Variants in APPL2 observed in about 807,000 individuals in gnomAD.
APPL2 encodes DCC-interacting protein 13-beta.
Under a neutral mutation model 92.7 loss-of-function variants are expected in APPL2, and 84 were observed. That is an observed-to-expected ratio of 0.91 (90% CI 0.76 to 1.09). APPL2 has a LOEUF of 1.09. Ranked by LOEUF, APPL2 falls within the 50% of genes least tolerant of loss-of-function variation. The probability of loss-of-function intolerance (pLI) is 0.00; values close to 1 mark genes in which losing one functional copy is unlikely to be tolerated. For missense variants in APPL2, 736 were observed against 824.5 expected (o/e 0.89, Z 1.31); for synonymous variants, 291 against 291.0 (o/e 1.00, Z 0.00).
In APPL2 at chr12:105,199,551, G is replaced by C. The variant is rs747838905; in HGVS notation, c.705-20C>G. 6.2e-7 allele frequency: 1 copy of C among 1,609,664 alleles called. No homozygotes were observed. The highest frequency in any genetic ancestry group is 1.1e-5 in the South Asian group (1 of 90,544). ...TGAATGCTTAAGACAGAAGGTGTTGGGTCAGTTACTCACTGCTGGCCAACC... is the reference window on the plus strand; with the variant it reads ...TGAATGCTTAAGACAGAAGGTGTTGCGTCAGTTACTCACTGCTGGCCAACC... On this transcript the variant is annotated intron_variant, in intron 9 of 20. Transcript: ENST00000258530.
intron 17 of APPL2, among the ~76,000 whole-genome samples, chr12:105,179,394 C>T (rs1299113874): frequency 1.3e-5 from 2 of 152,154 alleles, no homozygotes; most frequent in African/African-American, 4.8e-5. Flanking sequence ...CATTGATGGG[C>T]ATTTGGGTTG....
intron 2 of APPL2, among the ~76,000 whole-genome samples, chr12:105,218,854 A>C (rs117421806): frequency 0.011 from 1,623 of 150,638 alleles, 16 homozygotes; most frequent in Middle Eastern, 0.027. Flanking sequence ...AAGAGCTGCG[A>C]TGCCCTGGGA....
intron 5 of APPL2, among the ~76,000 whole-genome samples, chr12:105,208,646 C>A (rs1033546276): frequency 6.6e-6 from 1 of 152,160 alleles, no homozygotes; most frequent in Admixed American, 6.5e-5. Flanking sequence ...GGAGTCATCC[C>A]TGGACAAAGG....
intron 9 of APPL2, 117 bp downstream of exon 9, chr12:105,203,586 T>A: frequency 1.2e-6 from 1 of 866,458 alleles, no homozygotes; most frequent in Non-Finnish European, 1.9e-6. Context: ...ATTTCTGGGG[T>A]GGACAGAGGC....
intron 17 of APPL2, 35 bp downstream of exon 17, chr12:105,188,238 G>A: frequency 6.2e-7 from 1 of 1,606,216 alleles, no homozygotes; most frequent in Non-Finnish European, 8.5e-7. Context: ...ATTAGCTGAA[G>A]CCATAAGAAA....
chr12:105,215,027 T>C (rs1889563638), intron 4 of APPL2, among the ~76,000 whole-genome samples: 1 of 152,190 alleles, frequency 6.6e-6, no homozygotes, highest in Non-Finnish European at 1.5e-5. Flanking sequence ...GCCCTATGTA[T>C]CACTTAATCT....
At chr12:105,202,906 T>C (rs902037705) in intron 9 of APPL2, among the ~76,000 whole-genome samples, 9 of 152,198 alleles carry the variant, frequency 5.9e-5, no homozygotes, top group Non-Finnish European at 8.8e-5. Flanking sequence ...CTTCATGAGG[T>C]GTGGTGAAAT....
chr12:105,198,090 C>T, intron 10 of APPL2, 137 bp from the exon 11 acceptor site: 1 of 799,716 alleles, frequency 1.3e-6, no homozygotes, highest in Non-Finnish European at 2.0e-6. Context: ...CAAAACTGCC[C>T]ATTCAAGTGG....
intron 16 of APPL2, among the ~76,000 whole-genome samples, chr12:105,189,222 G>GTTC (rs930660278): frequency 6.6e-6 from 1 of 152,032 alleles, no homozygotes; most frequent in Non-Finnish European, 1.5e-5. Context: ...TAGAGACAGG[G>GTTC]TTCTCACTGT....
intron 11 of APPL2, 78 bp from the exon 12 acceptor site, chr12:105,195,705 A>C (rs1887581124): frequency 1.2e-5 from 18 of 1,534,292 alleles, no homozygotes; most frequent in Middle Eastern, 4.0e-4. Context: ...AACTGAACTT[A>C]GCTGGGGTGT....
intron 5 of APPL2, among the ~76,000 whole-genome samples, chr12:105,209,954 A>G (rs1889072151): frequency 6.6e-6 from 1 of 151,882 alleles, no homozygotes; most frequent in East Asian, 1.9e-4. Context: ...GCAAGGGAGG[A>G]AAATCTTCAC....
At chr12:105,217,774 A>G in intron 2 of APPL2, 49 bp from the exon 3 acceptor site, 5 of 1,567,294 alleles carry the variant, frequency 3.2e-6, no homozygotes, top group Non-Finnish European at 4.4e-6. Flanking sequence ...ATGTATACAT[A>G]GTCACTGAAA....
At position 105,190,190 on chromosome 12, in the gene APPL2, C is replaced by T. The variant is rs576659482; in HGVS notation, c.1242-35G>A. ...AAAAAAATCAATTCCCTTAACCTTA[C>T]GCTTTTATAATCAAGTGAATACTTG... is the stretch of plus-strand genomic sequence containing the variant. On this transcript the variant is annotated intron_variant, in intron 14 of 20. Coordinates refer to ENST00000258530, the MANE Select transcript of APPL2 (RefSeq NM_018171.5). 2.3e-5 allele frequency: 37 copies of T among 1,588,032 alleles called. No homozygotes were observed. In the African/African-American group the frequency reaches 2.6e-4, roughly 11 times the overall value.
chr12:105,174,582 G>T (rs369113126), intron 20 of APPL2, 134 bp from the exon 21 acceptor site: 7 of 840,268 alleles, frequency 8.3e-6, no homozygotes, highest in African/African-American at 7.1e-5. Context: ...GCCTTCCGCT[G>T]AGTCTCCTTG....
Position 105,236,124 on chromosome 12 carries a change from C to G in APPL2, c.-112G>C. 2.8e-6 allele frequency: 2 copies of G among 713,636 alleles called. No individual in the cohort carries two copies. Among genetic ancestry groups the G allele is most frequent in the Non-Finnish European group, 3.7e-6 (2 of 541,766 alleles). The allele number at this position is 713,636 out of a possible 1,614,324, so 44.2% of individuals were successfully genotyped here. Reference sequence around the variant, plus strand: ...CAGGCGACGCGGCGGCCACTCCGTGCCCGCGGCGGCCCCGCGCGCGTCCAC... The same window carrying G: ...CAGGCGACGCGGCGGCCACTCCGTGGCCGCGGCGGCCCCGCGCGCGTCCAC... On this transcript the variant is annotated 5_prime_UTR_variant, in exon 1 of 21. Coordinates refer to ENST00000258530, the MANE Select transcript of APPL2 (RefSeq NM_018171.5).
chr12:105,229,060 G>T, intron 2 of APPL2, 65 bp downstream of exon 2: 1 of 1,344,772 alleles, frequency 7.4e-7, no homozygotes, highest in Non-Finnish European at 1.0e-6. Flanking sequence ...AACCTCTGAG[G>T]GAAGTTCAGG....
chr12:105,189,549 G>C (rs1387802822), intron 16 of APPL2, among the ~76,000 whole-genome samples: 1 of 152,070 alleles, frequency 6.6e-6, no homozygotes, highest in African/African-American at 2.4e-5. Flanking sequence ...CTACAAAAAC[G>C]CTATGGCTAA....
At chr12:105,177,179 G>C (rs748523680) in intron 18 of APPL2, 47 bp downstream of exon 18, 13 of 1,606,432 alleles carry the variant, frequency 8.1e-6, no homozygotes, top group Non-Finnish European at 1.1e-5. Flanking sequence ...AGATACAAAG[G>C]TGAATTAAGG....
At chr12:105,189,549 G>A (rs1387802822) in intron 16 of APPL2, among the ~76,000 whole-genome samples, 2 of 152,070 alleles carry the variant, frequency 1.3e-5, no homozygotes, top group Admixed American at 6.5e-5. Flanking sequence ...CTACAAAAAC[G>A]CTATGGCTAA....
Sources: allele counts gnomAD v4.1 joint callset (sites outside exome capture counted in the v4.1 genomes callset), GRCh38; gene constraint gnomAD v4.1.1; transcripts MANE v1.5; gene names NCBI Gene and HGNC (gene_info 2026-07-23, HGNC 2026-07-21).